The following SYNE3 variants were observed in gnomAD, a reference collection of about 807,000 sequenced individuals.
SYNE3 encodes nesprin-3.
SYNE3 carries 100 observed loss-of-function variants against 111.2 expected under a neutral mutation model. The ratio of observed to expected loss-of-function variants is 0.90; its 90% CI spans 0.77 to 1.06. The LOEUF (loss-of-function observed/expected upper bound fraction) is 1.06. Ranked by LOEUF, SYNE3 falls within the 50% of genes least tolerant of loss-of-function variation. The pLI, the probability that SYNE3 is intolerant of heterozygous loss-of-function variation, is 0.00. For synonymous variants in SYNE3, 547 were observed against 533.9 expected, an observed-to-expected ratio of 1.02 and a Z score of -0.34; for missense variants, 1,160 against 1,240.3, an observed-to-expected ratio of 0.94 and a Z score of 0.97.
intron 8 of SYNE3, among the ~76,000 whole-genome samples, chr14:95,448,881 C>T (rs1041765730): frequency 6.6e-6 from 1 of 152,186 alleles, no homozygotes; most frequent in Admixed American, 6.5e-5. Context: ...GGAGAAATTG[C>T]CCCAACATGT....
At chr14:95,445,885 G>T (rs201334821) in intron 9 of SYNE3, 24 bp downstream of exon 9, 4 of 1,609,236 alleles carry the variant, frequency 2.5e-6, no homozygotes, top group Admixed American at 3.3e-5. Context: ...GCCAAGTCCC[G>T]AGCAGATGCC....
At chr14:95,494,147 A>G (rs200155806) in intron 1 of SYNE3, among the ~76,000 whole-genome samples, 4 of 18,462 alleles carry the variant, frequency 2.2e-4, no homozygotes, top group Middle Eastern at 0.022. Context: ...TAAAAAAAAG[A>G]AAAAAAAAAG....
intron 8 of SYNE3, among the ~76,000 whole-genome samples, chr14:95,447,358 G>A (rs1192331816): frequency 1.3e-5 from 2 of 151,988 alleles, no homozygotes; most frequent in Non-Finnish European, 2.9e-5. Flanking sequence ...GGATGGTCTC[G>A]ATCTCCTGAC....
chr14:95,450,008 G>A lies in SYNE3; in HGVS notation c.1372C>T (p.Leu458=), dbSNP rs1362956716. ...GTGACCTCCAAGAGCCGCTGGGCCA[G>A]GGCCTTCCACAGCTGCAGATCCTGC... ...PLQDLQLWKA[L]AQRLLEVTAS... Residue 458 remains leucine, a synonymous_variant, in exon 8 of 18, where the codon CTG becomes TTG. Transcript: ENST00000682763. 25 of 1,556,270 alleles carry A rather than the reference G, an allele frequency of 1.6e-5. No individual in the cohort carries two copies. Among genetic ancestry groups the A allele is most frequent in the Non-Finnish European group, 2.1e-5 (24 of 1,149,882 alleles).
chr14:95,417,992 CGGAAGAGGGAGCCCAG>C lies in SYNE3; in HGVS notation c.2746_2761del (p.Leu916GlyfsTer126). On this transcript the variant is annotated frameshift_variant, in exon 18 of 18. Coordinates refer to ENST00000682763, the MANE Select transcript of SYNE3 (RefSeq NM_152592.6). LOFTEE classifies it low-confidence loss of function (END_TRUNC). ...TGGGAGCGCCACACAGCACGCCCTC[CGGAAGAGGGAGCCCAG>C]TCCTCGCCACCGCCGAGTCTGCGGA... is the stretch of plus-strand genomic sequence containing the variant. 1 of 1,611,970 alleles carries C rather than the reference CGGAAGAGGGAGCCCAG, an allele frequency of 6.2e-7. No homozygotes were observed. Among genetic ancestry groups the C allele is most frequent in the Non-Finnish European group, 8.5e-7 (1 of 1,179,820 alleles).
chr14:95,487,542 A>G (rs1889610934), intron 1 of SYNE3, among the ~76,000 whole-genome samples: 1 of 152,172 alleles, frequency 6.6e-6, no homozygotes, highest in South Asian at 2.1e-4. Flanking sequence ...ATTATTTTAA[A>G]CCACCTTCTT....
chr14:95,497,004 A>G (rs955483496), intron 1 of SYNE3, among the ~76,000 whole-genome samples: 1 of 152,224 alleles, frequency 6.6e-6, no homozygotes, highest in Non-Finnish European at 1.5e-5. Flanking sequence ...TTTCAGGGCC[A>G]TTTTAAACAA....
chr14:95,438,898 T>A (rs112349845), intron 14 of SYNE3, 135 bp downstream of exon 14: 4 of 1,253,960 alleles, frequency 3.2e-6, no homozygotes, highest in Non-Finnish European at 4.5e-6. Context: ...CAGGCTCAAA[T>A]GAGACAGGAC....
At position 95,485,605 on chromosome 14, in the gene SYNE3, G is replaced by GT. The variant is rs898042899; in HGVS notation, c.-14-9771dup. On this transcript the variant is annotated intron_variant, in intron 1 of 17. Coordinates refer to ENST00000682763, the MANE Select transcript of SYNE3 (RefSeq NM_152592.6). This position sits in a 1 kb window ranked among gnomAD's most constrained non-coding sequence, Gnocchi z 4.3. ...TCCCAGGAATGCCGAAATGCTCAGC[G>GT]TTTTTTTCCCTCTGCCCTCACCAGG... Among the ~76,000 whole-genome samples, 32 of 152,018 alleles carry GT rather than the reference G, an allele frequency of 2.1e-4. No individual in the cohort carries two copies. Among genetic ancestry groups the GT allele is most frequent in the Admixed American group, 1.8e-3 (28 of 15,288 alleles).
intron 1 of SYNE3, among the ~76,000 whole-genome samples, chr14:95,477,658 G>C (rs552648553): frequency 6.6e-6 from 1 of 152,162 alleles, no homozygotes; most frequent in Non-Finnish European, 1.5e-5. Flanking sequence ...GGGCTGGCCA[G>C]GGGGAGGTGG....
At chr14:95,480,864 G>A (rs1889200651) in intron 1 of SYNE3, among the ~76,000 whole-genome samples, 1 of 152,212 alleles carries the variant, frequency 6.6e-6, no homozygotes, top group Non-Finnish European at 1.5e-5. Context: ...CCCCGTTTGG[G>A]CCTCCTGGCA....
At chr14:95,479,128 C>T (rs1323083223) in intron 1 of SYNE3, among the ~76,000 whole-genome samples, 2 of 150,560 alleles carry the variant, frequency 1.3e-5, no homozygotes, top group African/African-American at 2.5e-5. Context: ...GGTGCAGTGG[C>T]TCATGCCTGT....
rs958405661 is a variant in SYNE3, at chr14:95,490,806, C to T, written c.-14-14971G>A. ...ACATGGGCCAGGCCTGTGGCCCTAT[C>T]GGCAAAGCCATGCATTGCCATCCAC... On this transcript the variant is annotated intron_variant, in intron 1 of 17. Transcript: ENST00000682763. Among the ~76,000 whole-genome samples the T allele has an allele frequency of 3.9e-5, 6 of 152,378 alleles. No individual in the cohort carries two copies. The South Asian group carries it at 1.0e-3, about 26-fold the overall frequency.
intron 1 of SYNE3, among the ~76,000 whole-genome samples, chr14:95,477,503 C>T (rs1000150038): frequency 1.4e-4 from 22 of 152,278 alleles, no homozygotes; most frequent in African/African-American, 4.8e-4. Flanking sequence ...AAATTGTCTT[C>T]ACTCATCAGT....
In SYNE3 at chr14:95,439,076, A is replaced by T. The variant is rs377209700; in HGVS notation, c.2333T>A (p.Phe778Tyr). The change falls in exon 14 of 18, where the codon TTT becomes TAT. Residue 778 changes from phenylalanine to tyrosine, a missense_variant. By Grantham distance (22) the Phe-to-Tyr change is conservative. Transcript: ENST00000682763. ...VFTNNIPKSG[F>Y]LINPMDPIPR... The stretch of plus-strand genomic sequence containing the variant: ...AATAGGATCCATGGGATTGATGAGA[A>T]ATCCTGACTTTGGGATGTTGTTGGT... The T allele has an allele frequency of 6.2e-7, 1 of 1,614,244 alleles. No individual in the cohort carries two copies. The highest frequency in any genetic ancestry group is 8.5e-7 in the Non-Finnish European group (1 of 1,180,042).
intron 2 of SYNE3, among the ~76,000 whole-genome samples, chr14:95,473,997 T>C (rs1316516381): frequency 6.7e-6 from 1 of 149,870 alleles, no homozygotes; most frequent in African/African-American, 2.5e-5. Flanking sequence ...CAGTGTGAGC[T>C]TGGGAGGTAT....
intron 2 of SYNE3, among the ~76,000 whole-genome samples, chr14:95,471,301 A>G (rs1460798596): frequency 6.6e-6 from 1 of 152,242 alleles, no homozygotes; most frequent in Non-Finnish European, 1.5e-5. Flanking sequence ...CCATGCGGAC[A>G]ATGGCCCCTT....
chr14:95,472,490 G>A (rs1888588098), intron 2 of SYNE3, among the ~76,000 whole-genome samples: 1 of 152,208 alleles, frequency 6.6e-6, no homozygotes, highest in African/African-American at 2.4e-5. Flanking sequence ...GTGTATCCCA[G>A]CTTCTAAAAC....
At chr14:95,465,218 AAGG>A (rs2139472114) in intron 4 of SYNE3, among the ~76,000 whole-genome samples, 1 of 152,082 alleles carries the variant, frequency 6.6e-6, no homozygotes, top group Admixed American at 6.5e-5. Flanking sequence ...AAGAGAGAGA[AAGG>A]AGGAGAAGGG....
Sources: allele counts gnomAD v4.1 joint callset (sites outside exome capture counted in the v4.1 genomes callset), GRCh38; gene constraint gnomAD v4.1.1; non-coding constraint Gnocchi (gnomAD v3.1); transcripts MANE v1.5; gene names NCBI Gene and HGNC (gene_info 2026-07-23, HGNC 2026-07-21).